The following FBXL17 variants were observed in gnomAD, a reference collection of about 807,000 sequenced individuals.
FBXL17 encodes F-box and leucine rich repeat protein 17.
A neutral mutation model predicts 66.2 loss-of-function variants in FBXL17; 22 were observed. The observed-to-expected ratio is 0.33, with a 90% CI of 0.24 to 0.47. The LOEUF (loss-of-function observed/expected upper bound fraction) is 0.47, where lower values mean the gene tolerates loss of function less well. Ranked by LOEUF, FBXL17 falls within the 20% of genes least tolerant of loss-of-function variation. The pLI is 1.00. For missense variants in FBXL17, 878 were observed against 948.2 expected, an observed-to-expected ratio of 0.93 and a Z score of 0.97; for synonymous variants, 474 against 400.5, an observed-to-expected ratio of 1.18 and a Z score of -2.19.
At chr5:107,863,989 C>T (rs1303384109) in intron 8 of FBXL17, among the ~76,000 whole-genome samples, 1 of 152,190 alleles carries the variant, frequency 6.6e-6, no homozygotes, top group African/African-American at 2.4e-5. Context: ...GAATAAAAGC[C>T]TATGGAGATT....
chr5:108,381,406 A>C lies in FBXL17; in HGVS notation c.286T>G (p.Ser96Ala). The C allele has an allele frequency of 7.6e-7, 1 of 1,324,080 alleles. No individual in the cohort carries two copies. The highest frequency in any genetic ancestry group is 9.6e-7 in the Non-Finnish European group (1 of 1,046,142). 82.0% of individuals were successfully genotyped at this position (1,324,080 alleles called of 1,614,324 possible). A position where few individuals can be genotyped will look rare whatever the true frequency, so the allele number is the denominator to read the frequency against. The change falls in exon 1 of 9, where the codon TCC becomes GCC. Residue 96 changes from serine (S) to alanine (A), a missense_variant. Physicochemically the swap from Ser to Ala is moderately conservative, Grantham distance 99. Transcript: ENST00000542267. ...PRDGAYAAASSSQHLARRYAA... is the reference protein window; with the variant it reads ...PRDGAYAAASASQHLARRYAA... ...TAGCGCCGCGCCAGGTGCTGAGAGG[A>C]GGAGGCGGCAGCGTAGGCCCCGTCC... is the stretch of plus-strand genomic sequence containing the variant.
intron 4 of FBXL17, among the ~76,000 whole-genome samples, chr5:108,231,234 T>C (rs556746936): frequency 7.2e-5 from 11 of 152,272 alleles, no homozygotes; most frequent in Admixed American, 3.9e-4. Flanking sequence ...AATAAGTTTA[T>C]ACAGTTATAT....
chr5:108,012,876 G>A (rs553777213), intron 7 of FBXL17, among the ~76,000 whole-genome samples: 5 of 152,104 alleles, frequency 3.3e-5, no homozygotes, highest in South Asian at 2.1e-4. Context: ...TTAGCCGGGC[G>A]TGGTGGCACA....
intron 6 of FBXL17, among the ~76,000 whole-genome samples, chr5:108,050,590 A>T (rs1025153380): frequency 1.3e-5 from 2 of 152,188 alleles, no homozygotes; most frequent in Non-Finnish European, 2.9e-5. Context: ...AAACGCCCAC[A>T]TCAGAAAGCT....
At chr5:107,893,410 G>A (rs1015579987) in intron 7 of FBXL17, among the ~76,000 whole-genome samples, 4 of 152,182 alleles carry the variant, frequency 2.6e-5, no homozygotes, top group African/African-American at 9.7e-5. Context: ...AATGAAGGTT[G>A]AGCTTCAGGG....
chr5:108,269,019 C>A (rs1757158052), intron 4 of FBXL17, among the ~76,000 whole-genome samples: 1 of 151,790 alleles, frequency 6.6e-6, no homozygotes, highest in Admixed American at 6.6e-5. Context: ...AGCAAAGGGA[C>A]TTCAGTTAGG....
chr5:107,899,920 A>G (rs1047294204), intron 7 of FBXL17, among the ~76,000 whole-genome samples: 1 of 152,182 alleles, frequency 6.6e-6, no homozygotes, highest in African/African-American at 2.4e-5. Flanking sequence ...GCATTTTAAG[A>G]AATCTGTACT....
chr5:107,945,227 A>G (rs1198485996), intron 7 of FBXL17, among the ~76,000 whole-genome samples: 6 of 152,168 alleles, frequency 3.9e-5, no homozygotes, highest in Admixed American at 6.5e-5. Context: ...TTTCACAGCA[A>G]TCGGATTGGC....
chr5:107,953,979 T>C (rs1751581953), intron 7 of FBXL17, among the ~76,000 whole-genome samples: 1 of 152,226 alleles, frequency 6.6e-6, no homozygotes, highest in Admixed American at 6.5e-5. Flanking sequence ...CTAAATTGTT[T>C]TGTATTTCTC....
intron 7 of FBXL17, among the ~76,000 whole-genome samples, chr5:107,994,756 T>A (rs1753402681): frequency 6.6e-6 from 1 of 151,992 alleles, no homozygotes. Context: ...GAAAATCCCT[T>A]CAACCCGGGA....
At chr5:108,345,532 T>C (rs1747215369) in intron 4 of FBXL17, among the ~76,000 whole-genome samples, 1 of 150,350 alleles carries the variant, frequency 6.7e-6, no homozygotes, top group South Asian at 2.1e-4. Context: ...TGTTCTACTA[T>C]CTTACTACTT....
chr5:108,327,900 G>C (rs1354603078), intron 4 of FBXL17, among the ~76,000 whole-genome samples: 1 of 152,134 alleles, frequency 6.6e-6, no homozygotes, highest in East Asian at 1.9e-4. Context: ...TTGTTGGACA[G>C]TTCACATACA....
At chr5:108,124,047 C>T (rs1332030521) in intron 6 of FBXL17, among the ~76,000 whole-genome samples, 1 of 152,058 alleles carries the variant, frequency 6.6e-6, no homozygotes, top group Non-Finnish European at 1.5e-5. Flanking sequence ...CTTCACACTC[C>T]TGTTGTTGAC....
rs1165543412 is a variant in FBXL17 at position 108,009,304 on chromosome 5, T to TAGATAGATAGATAGATAG, written c.1822+11620_1822+11621insCTATCTATCTATCTATCT. Among the ~76,000 whole-genome samples, 104 of 19,564 alleles carry TAGATAGATAGATAGATAG rather than the reference T, an allele frequency of 5.3e-3. 7 individuals are homozygous for TAGATAGATAGATAGATAG. Among genetic ancestry groups the TAGATAGATAGATAGATAG allele is most frequent in the African/African-American group, 0.012 (70 of 5,704 alleles). The allele number at this position is 19,564 out of a possible 152,430, so 12.8% of individuals were successfully genotyped here. On this transcript the variant is annotated intron_variant, in intron 7 of 8. Transcript: ENST00000542267. ...ATATATATATATATATATATATACATATATACATACACATATAGTTTTGCT... is the reference window on the plus strand; with the variant it reads ...ATATATATATATATATATATATACATAGATAGATAGATAGATAGATATACATACACATATAGTTTTGCT...
At chr5:108,125,739 G>C (rs1750672541) in intron 6 of FBXL17, among the ~76,000 whole-genome samples, 1 of 152,028 alleles carries the variant, frequency 6.6e-6, no homozygotes, top group Admixed American at 6.5e-5. Context: ...CTATGTTATA[G>C]TTTTGTGTTG....
At chr5:107,900,596 C>T (rs1326272186) in intron 7 of FBXL17, among the ~76,000 whole-genome samples, 1 of 111,156 alleles carries the variant, frequency 9.0e-6, no homozygotes, top group Non-Finnish European at 1.9e-5. Context: ...CTACTGATTA[C>T]ATTTTTTTAG....
intron 5 of FBXL17, among the ~76,000 whole-genome samples, chr5:108,208,042 T>C (rs1258355408): frequency 1.3e-5 from 2 of 152,230 alleles, no homozygotes; most frequent in East Asian, 1.9e-4. Context: ...CATTGTGGTT[T>C]TGATTTACAT....
chr5:107,950,085 T>G (rs1360363469), intron 7 of FBXL17, among the ~76,000 whole-genome samples: 1 of 152,112 alleles, frequency 6.6e-6, no homozygotes, highest in Non-Finnish European at 1.5e-5. Context: ...GATGAAAGTG[T>G]ACGATTTCCT....
intron 7 of FBXL17, among the ~76,000 whole-genome samples, chr5:107,899,916 T>C (rs1316727984): frequency 6.6e-6 from 1 of 152,158 alleles, no homozygotes; most frequent in Admixed American, 6.5e-5. Flanking sequence ...ACATGCATTT[T>C]AAGAAATCTG....
Sources: gnomAD v4.1 joint callset for allele counts (sites outside exome capture counted in the v4.1 genomes callset) on GRCh38, gnomAD v4.1.1 for gene constraint, MANE v1.5 for transcripts, NCBI Gene and HGNC (gene_info 2026-07-23, HGNC 2026-07-21) for gene names.